The following BZW1 variants were observed in gnomAD, a reference collection of about 807,000 sequenced individuals.
BZW1 encodes the protein basic leucine zipper and W2 domains 1.
BZW1 carries 3 observed loss-of-function variants against 54.1 expected under a neutral mutation model. The observed-to-expected ratio is 0.06, with a 90% CI of 0.03 to 0.14. The LOEUF is 0.14. Among genes scored for constraint, BZW1 ranks in the 10% least tolerant of loss-of-function variants. The probability of loss-of-function intolerance (pLI) is 1.00; values close to 1 mark genes in which losing one functional copy is unlikely to be tolerated. For missense variants in BZW1, 206 were observed against 491.7 expected (o/e 0.42, Z 5.50); for synonymous variants, 152 against 162.7 (o/e 0.93, Z 0.50).
intron 9 of BZW1, among the ~76,000 whole-genome samples, chr2:200,819,728 C>A (rs570573017): frequency 7.2e-5 from 11 of 151,956 alleles, no homozygotes; most frequent in African/African-American, 2.7e-4. Context: ...TAGAGACGAG[C>A]TTTTACCATA....
intron 2 of BZW1, among the ~76,000 whole-genome samples, chr2:200,813,691 A>G (rs779430296): frequency 3.3e-5 from 5 of 152,218 alleles, no homozygotes; most frequent in Non-Finnish European, 5.9e-5. Flanking sequence ...GACTTCACCC[A>G]TGGAAGTTAA....
rs190771296 is a variant in BZW1 at position 200,813,368 on chromosome 2, T to C, written c.64+87T>C. 4.9e-4 allele frequency: 579 copies of C among 1,191,762 alleles called. 1 individual carries two copies. The highest frequency in any genetic ancestry group is 2.0e-4 in the Non-Finnish European group (167 of 835,780). The allele number at this position is 1,191,762 out of a possible 1,614,324, so 73.8% of individuals were successfully genotyped here. A position where few individuals can be genotyped will look rare whatever the true frequency, so the allele number is the denominator to read the frequency against. On this transcript the variant is annotated intron_variant, in intron 2 of 11. Coordinates refer to ENST00000409600, the MANE Select transcript of BZW1 (RefSeq NM_001207067.2). ...TCTCTGACAGGTACTTGCATATTAC[T>C]AAAGCCTCAAAAGAAGATACCAGAA...
intron 4 of BZW1, 64 bp from the exon 5 acceptor site, chr2:200,816,261 G>A (rs2105867915): frequency 8.3e-7 from 1 of 1,208,620 alleles, no homozygotes. Context: ...TCGAGTGAAA[G>A]GTTTACTACT....
intron 11 of BZW1, 31 bp downstream of exon 11, chr2:200,821,336 G>T (rs1416311227): frequency 5.0e-6 from 8 of 1,609,854 alleles, no homozygotes; most frequent in Non-Finnish European, 6.8e-6. Context: ...GGTTTGTTTG[G>T]TAAAGCTAAT....
intron 5 of BZW1, 96 bp downstream of exon 5, chr2:200,816,486 CTTGT>C (rs1301250263): frequency 3.1e-6 from 3 of 965,608 alleles, no homozygotes; most frequent in East Asian, 5.8e-5. Context: ...AGTAATTTTG[CTTGT>C]TTGTTTGGGT....
At chr2:200,821,727 A>G (rs1185822151) in intron 11 of BZW1, among the ~76,000 whole-genome samples, 8 of 152,108 alleles carry the variant, frequency 5.3e-5, no homozygotes, top group African/African-American at 1.9e-4. Flanking sequence ...ATGCTTTTGA[A>G]TATCTGCCTC....
In BZW1 at chr2:200,826,213, T is replaced by C. The variant is rs1400574941; in HGVS notation, c.*4035T>C. On this transcript the variant is annotated 3_prime_UTR_variant, in exon 12 of 12. Transcript: ENST00000409600. The stretch of plus-strand genomic sequence containing the variant: ...TATATGAAACTGGATCAGAAAGGCT[T>C]TCTGACTCCTTTCTCTTCACTTTTT... 6.6e-6 allele frequency: 1 copy of C among 152,228 alleles called. No homozygotes were observed. The highest frequency in any genetic ancestry group is 1.9e-4 in the East Asian group (1 of 5,188). The allele number at this position is 152,228 out of a possible 1,614,324, so 9.4% of individuals were successfully genotyped here. A position where few individuals can be genotyped will look rare whatever the true frequency, so the allele number is the denominator to read the frequency against.
chr2:200,813,875 A>G (rs1282518390), intron 2 of BZW1, among the ~76,000 whole-genome samples: 9 of 152,204 alleles, frequency 5.9e-5, no homozygotes, highest in Admixed American at 5.9e-4. Context: ...AGTCTCAGAT[A>G]TATTTTTACT....
chr2:200,812,505 AAG>A (rs1392971121), intron 1 of BZW1: 18 of 1,379,390 alleles, frequency 1.3e-5, no homozygotes, highest in Middle Eastern at 2.4e-4. Flanking sequence ...TCAGTGGAGA[AAG>A]AGCCGCGGGA....
At chr2:200,821,749 T>G (rs1258557425) in intron 11 of BZW1, among the ~76,000 whole-genome samples, 1 of 152,064 alleles carries the variant, frequency 6.6e-6, no homozygotes. Flanking sequence ...TGTAAATAGG[T>G]TATTAATAAA....
chr2:200,815,205 C>A, intron 2 of BZW1, 136 bp from the exon 3 acceptor site: 1 of 940,628 alleles, frequency 1.1e-6, no homozygotes, highest in Non-Finnish European at 1.5e-6. Context: ...TTGTCTTACA[C>A]TTGCAGAGGG....
At position 200,812,568 on chromosome 2, in the gene BZW1, A is replaced by T. The variant is rs2038114950; in HGVS notation, c.-11+578A>T. ...TGGGGTCCTGGGCGGGAAGCGGGTGATCTGTGGCTCGGGCGGGAGGCATGG... is the reference window on the plus strand; with the variant it reads ...TGGGGTCCTGGGCGGGAAGCGGGTGTTCTGTGGCTCGGGCGGGAGGCATGG... On this transcript the variant is annotated intron_variant, in intron 1 of 11. Coordinates refer to ENST00000409600, the MANE Select transcript of BZW1 (RefSeq NM_001207067.2). 11 of 1,409,022 alleles carry T rather than the reference A, an allele frequency of 7.8e-6. No homozygotes were observed. In the Admixed American group the frequency reaches 1.2e-4, roughly 15 times the overall value. 87.3% of individuals were successfully genotyped at this position (1,409,022 alleles called of 1,614,324 possible).
At chr2:200,812,645 G>A (rs2105860620) in intron 1 of BZW1, 4 of 1,250,938 alleles carry the variant, frequency 3.2e-6, no homozygotes, top group East Asian at 5.1e-5. Flanking sequence ...AGGACTGTGG[G>A]ATATGGGCGA....
At chr2:200,819,155 G>A in intron 9 of BZW1, 1 of 412,296 alleles carries the variant, frequency 2.4e-6, no homozygotes, top group Non-Finnish European at 4.3e-6. Flanking sequence ...ACTTTGGGAG[G>A]CAAGGGCAGG....
rs1559318394 is a variant in BZW1 at position 200,826,407 on chromosome 2, A to AGATAGATAGATAGATAGATAT, written c.*4229_*4230insGATAGATAGATAGATAGATAT. The AGATAGATAGATAGATAGATAT allele has an allele frequency of 2.2e-4, 12 of 54,942 alleles. No individual in the cohort carries two copies. Among genetic ancestry groups the AGATAGATAGATAGATAGATAT allele is most frequent in the South Asian group, 5.3e-4 (1 of 1,890 alleles). The allele number at this position is 54,942 out of a possible 1,614,324, so 3.4% of individuals were successfully genotyped here. A position where few individuals can be genotyped will look rare whatever the true frequency, so the allele number is the denominator to read the frequency against. ...TAGATAGATAGATAGATAGATAGAT[A>AGATAGATAGATAGATAGATAT]TTTTTTTTTTTTTTTTTTTTTTTTT... On this transcript the variant is annotated 3_prime_UTR_variant, in exon 12 of 12. Coordinates refer to ENST00000409600, the MANE Select transcript of BZW1 (RefSeq NM_001207067.2).
In BZW1 at chr2:200,824,833, G is replaced by T. The variant is rs569503654; in HGVS notation, c.*2655G>T. 1 of 151,754 alleles carries T rather than the reference G, an allele frequency of 6.6e-6. No homozygotes were observed. The highest frequency in any genetic ancestry group is 2.4e-5 in the African/African-American group (1 of 41,306). 9.4% of individuals were successfully genotyped at this position (151,754 alleles called of 1,614,324 possible). A position where few individuals can be genotyped will look rare whatever the true frequency, so the allele number is the denominator to read the frequency against. The stretch of plus-strand genomic sequence containing the variant: ...ACTACAGGCGCCCGCCACCATGCCC[G>T]ACTAATTTTTTTGTATTTTTAGTAG... On this transcript the variant is annotated 3_prime_UTR_variant, in exon 12 of 12. Transcript: ENST00000409600.
rs1248723454 is a variant in BZW1 at position 200,825,277 on chromosome 2, C to G, written c.*3099C>G. ...GTTTCACCACGTTGATCAGGCTGGT[C>G]TCAAACTCCTGACCTCGTGGTCTGC... On this transcript the variant is annotated 3_prime_UTR_variant, in exon 12 of 12. Coordinates refer to ENST00000409600, the MANE Select transcript of BZW1 (RefSeq NM_001207067.2). 1.0e-5 allele frequency: 1 copy of G among 98,500 alleles called. No homozygotes were observed. Among genetic ancestry groups the G allele is most frequent in the Non-Finnish European group, 2.8e-5 (1 of 35,488 alleles). The allele number at this position is 98,500 out of a possible 1,614,324, so 6.1% of individuals were successfully genotyped here. A position where few individuals can be genotyped will look rare whatever the true frequency, so the allele number is the denominator to read the frequency against.
chr2:200,821,035 C>T (rs746927296), intron 10 of BZW1, 148 bp from the exon 11 acceptor site: 4 of 941,948 alleles, frequency 4.2e-6, no homozygotes, highest in African/African-American at 3.3e-5. Flanking sequence ...TTGGTATGCG[C>T]ACATGTATTA....
At chr2:200,812,222 C>T in intron 1 of BZW1, 2 of 1,227,844 alleles carry the variant, frequency 1.6e-6, no homozygotes, top group Non-Finnish European at 1.0e-6. Context: ...CGCCGCGGCG[C>T]TGGCTGCGAA....
Sources: gnomAD v4.1 joint callset for allele counts (sites outside exome capture counted in the v4.1 genomes callset) on GRCh38, gnomAD v4.1.1 for gene constraint, MANE v1.5 for transcripts, NCBI Gene and HGNC (gene_info 2026-07-23, HGNC 2026-07-21) for gene names.